The following GABRB1 variants were observed in gnomAD, a reference collection of about 807,000 sequenced individuals.
The protein encoded by GABRB1 is gamma-aminobutyric acid receptor subunit beta-1.
A neutral mutation model predicts 51.6 loss-of-function variants in GABRB1; 17 were observed. That is an observed-to-expected ratio of 0.33 (90% CI 0.23 to 0.49). The LOEUF (loss-of-function observed/expected upper bound fraction) is 0.49. Among genes scored for constraint, GABRB1 ranks in the 20% least tolerant of loss-of-function variants. GABRB1 has a pLI of 0.99. For missense variants in GABRB1, 410 were observed against 600.6 expected (o/e 0.68, Z 3.32); for synonymous variants, 247 against 218.9 (o/e 1.13, Z -1.14).
intron 4 of GABRB1, among the ~76,000 whole-genome samples, chr4:47,277,308 T>A: frequency 6.6e-6 from 1 of 151,944 alleles, no homozygotes; most frequent in East Asian, 1.9e-4. Context: ...GAATCATAAA[T>A]CAAAACATTT....
chr4:47,206,032 G>A (rs938284293), intron 4 of GABRB1, among the ~76,000 whole-genome samples: 1 of 151,100 alleles, frequency 6.6e-6, no homozygotes, highest in African/African-American at 2.4e-5. Flanking sequence ...AACACTTCCC[G>A]TTTGAGCCAT....
chr4:47,264,970 A>C (rs976694771), intron 4 of GABRB1, among the ~76,000 whole-genome samples: 1 of 152,230 alleles, frequency 6.6e-6, no homozygotes, highest in African/African-American at 2.4e-5. Flanking sequence ...GATGCTGATA[A>C]ATTTTGCTAA....
intron 4 of GABRB1, among the ~76,000 whole-genome samples, chr4:47,170,184 G>A (rs146239744): frequency 1.5e-3 from 230 of 152,034 alleles, no homozygotes; most frequent in African/African-American, 5.1e-3. Flanking sequence ...GCTCTATTTC[G>A]AATCAATTTT....
intron 4 of GABRB1, among the ~76,000 whole-genome samples, chr4:47,233,279 G>T (rs1207107516): frequency 6.6e-6 from 1 of 152,022 alleles, no homozygotes; most frequent in Non-Finnish European, 1.5e-5. Flanking sequence ...TCTATAAAAT[G>T]AAGCTAATTG....
chr4:47,077,924 A>ATATATAT (rs1186478110), intron 3 of GABRB1, among the ~76,000 whole-genome samples: 1 of 127,504 alleles, frequency 7.8e-6, no homozygotes, highest in African/African-American at 3.0e-5. Flanking sequence ...TATATATTTT[A>ATATATAT]TATATATTAT....
At chr4:47,038,542 A>G (rs1725695503) in intron 3 of GABRB1, among the ~76,000 whole-genome samples, 1 of 152,194 alleles carries the variant, frequency 6.6e-6, no homozygotes, top group Non-Finnish European at 1.5e-5. Flanking sequence ...GGAAAGTATT[A>G]TTTTTGAAGA....
chr4:47,286,000 A>G (rs913286059), intron 4 of GABRB1, among the ~76,000 whole-genome samples: 3 of 152,250 alleles, frequency 2.0e-5, no homozygotes, highest in Non-Finnish European at 2.9e-5. Context: ...CTAAATTGCA[A>G]ATTAAAAACT....
intron 4 of GABRB1, among the ~76,000 whole-genome samples, chr4:47,236,635 C>T (rs531384216): frequency 2.0e-5 from 3 of 152,040 alleles, no homozygotes; most frequent in South Asian, 2.1e-4. Flanking sequence ...TTTATCTATA[C>T]GTTTATTGTG....
At chr4:47,331,327 A>G (rs1311610905) in intron 5 of GABRB1, among the ~76,000 whole-genome samples, 1 of 152,176 alleles carries the variant, frequency 6.6e-6, no homozygotes, top group Non-Finnish European at 1.5e-5. Context: ...TCTGAAAAGT[A>G]TCTGATCTTT....
chr4:47,086,413 C>A (rs930508872), intron 3 of GABRB1, among the ~76,000 whole-genome samples: 1 of 151,986 alleles, frequency 6.6e-6, no homozygotes, highest in Non-Finnish European at 1.5e-5. Flanking sequence ...TTAAAAAAGA[C>A]CAAATCTTTT....
intron 3 of GABRB1, among the ~76,000 whole-genome samples, chr4:47,067,065 A>C (rs950174250): frequency 6.6e-6 from 1 of 152,234 alleles, no homozygotes; most frequent in Non-Finnish European, 1.5e-5. Context: ...TTCCTCTTAC[A>C]TCTCCATCAG....
intron 4 of GABRB1, among the ~76,000 whole-genome samples, chr4:47,220,541 C>G (rs1372478709): frequency 2.0e-5 from 3 of 151,988 alleles, no homozygotes; most frequent in Non-Finnish European, 4.4e-5. Flanking sequence ...TAATGCCTAT[C>G]TTTTCTAGGG....
At chr4:47,325,772 C>A (rs1015870775) in intron 5 of GABRB1, among the ~76,000 whole-genome samples, 2 of 152,184 alleles carry the variant, frequency 1.3e-5, no homozygotes, top group Admixed American at 1.3e-4. Flanking sequence ...TCTTGAGACT[C>A]CTCCAATCTA....
rs568447469 is a variant in GABRB1 at position 47,151,579 on chromosome 4, A to T, written c.241-9670A>T. Reference sequence around the variant, plus strand: ...TCATGTAGTCATAGTCCACCTAAGGATAGTCAGCCAAAACCACCATATTCT... The same window carrying T: ...TCATGTAGTCATAGTCCACCTAAGGTTAGTCAGCCAAAACCACCATATTCT... On this transcript the variant is annotated intron_variant, in intron 3 of 8. Coordinates refer to ENST00000295454, the MANE Select transcript of GABRB1 (RefSeq NM_000812.4). 9.3e-4 allele frequency among the ~76,000 whole-genome samples: 141 copies of T among 152,106 alleles called. 1 individual carries two copies. Among genetic ancestry groups the T allele is most frequent in the Non-Finnish European group, 1.6e-3 (109 of 67,958 alleles).
chr4:47,293,449 T>G (rs1723839883), intron 4 of GABRB1, among the ~76,000 whole-genome samples: 1 of 152,144 alleles, frequency 6.6e-6, no homozygotes, highest in African/African-American at 2.4e-5. Flanking sequence ...CTAAGCACAT[T>G]TTCTTACTTA....
chr4:47,035,658 A>T (rs1036182707), intron 3 of GABRB1, among the ~76,000 whole-genome samples: 1 of 152,060 alleles, frequency 6.6e-6, no homozygotes, highest in East Asian at 1.9e-4. Context: ...ACACACATAC[A>T]CACACACGCA....
intron 5 of GABRB1, among the ~76,000 whole-genome samples, chr4:47,367,198 T>C (rs1727009544): frequency 6.6e-6 from 1 of 152,164 alleles, no homozygotes; most frequent in Non-Finnish European, 1.5e-5. Flanking sequence ...CACTCACAGC[T>C]CATTCCAAGC....
At chr4:47,140,093 A>AACACACAC (rs67749563) in intron 3 of GABRB1, among the ~76,000 whole-genome samples, 30 of 135,412 alleles carry the variant, frequency 2.2e-4, no homozygotes, top group African/African-American at 7.5e-4. Flanking sequence ...AAATTAAATT[A>AACACACAC]ACACACACAC....
chr4:47,011,734 GA>G (rs1158769224), intron 1 of GABRB1, among the ~76,000 whole-genome samples: 1 of 151,976 alleles, frequency 6.6e-6, no homozygotes, highest in South Asian at 2.1e-4. Flanking sequence ...TAATAAAGGG[GA>G]AAAACTTCCC....
Sources: allele counts gnomAD v4.1 joint callset (sites outside exome capture counted in the v4.1 genomes callset), GRCh38; gene constraint gnomAD v4.1.1; transcripts MANE v1.5; gene names NCBI Gene and HGNC (gene_info 2026-07-23, HGNC 2026-07-21).